Variants in IMMP2L observed in about 807,000 individuals in gnomAD.
IMMP2L encodes the protein mitochondrial inner membrane protease subunit 2.
Under a neutral mutation model 19.3 loss-of-function variants are expected in IMMP2L, and 18 were observed. The observed-to-expected ratio is 0.93, with a 90% CI of 0.64 to 1.38. IMMP2L has a LOEUF of 1.38. Among genes scored for constraint, IMMP2L ranks in the 40% most tolerant of loss-of-function variants. The pLI, the probability that IMMP2L is intolerant of heterozygous loss-of-function variation, is 0.00. For synonymous variants in IMMP2L, 76 were observed against 73.0 expected, an observed-to-expected ratio of 1.04 and a Z score of -0.21; for missense variants, 233 against 218.2, an observed-to-expected ratio of 1.07 and a Z score of -0.43.
At chr7:111,039,753 C>T (rs569433430) in intron 3 of IMMP2L, among the ~76,000 whole-genome samples, 2 of 152,308 alleles carry the variant, frequency 1.3e-5, no homozygotes, top group African/African-American at 4.8e-5. Context: ...CTCTATTCCT[C>T]CCTTAATCGT....
At chr7:110,826,497 C>CA (rs1803503411) in intron 5 of IMMP2L, among the ~76,000 whole-genome samples, 1 of 152,136 alleles carries the variant, frequency 6.6e-6, no homozygotes. Flanking sequence ...CCATGGAATA[C>CA]TATGCAGCCA....
In IMMP2L at chr7:111,402,568, A is replaced by G. The variant is rs897328912; in HGVS notation, c.239+84670T>C. Among the ~76,000 whole-genome samples the G allele has an allele frequency of 2.0e-5, 3 of 151,960 alleles. No homozygotes were observed. The South Asian group carries it at 6.2e-4, about 32-fold the overall frequency. ...TCTAATAAAAATACGAAAATTAGCC[A>G]GGCGCAGTAGCATGCACCAGAAGTC... On this transcript the variant is annotated intron_variant, in intron 3 of 5. Transcript: ENST00000405709.
chr7:111,263,321 C>T (rs1206226270), intron 3 of IMMP2L, among the ~76,000 whole-genome samples: 3 of 152,048 alleles, frequency 2.0e-5, no homozygotes, highest in African/African-American at 4.8e-5. Flanking sequence ...GAAGAAAGAA[C>T]CAAAAGGATT....
At chr7:111,120,372 C>A (rs890881107) in intron 3 of IMMP2L, among the ~76,000 whole-genome samples, 4 of 152,054 alleles carry the variant, frequency 2.6e-5, no homozygotes, top group African/African-American at 7.2e-5. Context: ...GAGAATGAGA[C>A]TCAAGCAAAA....
At chr7:111,102,781 C>G (rs1798115868) in intron 3 of IMMP2L, among the ~76,000 whole-genome samples, 1 of 151,486 alleles carries the variant, frequency 6.6e-6, no homozygotes, top group Admixed American at 6.6e-5. Flanking sequence ...ATTTAAAAAG[C>G]TCCGAAACCA....
intron 3 of IMMP2L, among the ~76,000 whole-genome samples, chr7:111,203,016 T>C (rs567557183): frequency 2.6e-5 from 4 of 152,282 alleles, no homozygotes; most frequent in African/African-American, 4.8e-5. Context: ...CCTCTGTAAA[T>C]AGGCCATTGG....
At chr7:111,527,374 G>A (rs1846970987) in intron 1 of IMMP2L, among the ~76,000 whole-genome samples, 1 of 135,500 alleles carries the variant, frequency 7.4e-6, no homozygotes, top group Non-Finnish European at 1.6e-5. Flanking sequence ...CTATGACTGT[G>A]CCACCACACT....
At chr7:111,189,991 A>G (rs1051787519) in intron 3 of IMMP2L, among the ~76,000 whole-genome samples, 1 of 152,184 alleles carries the variant, frequency 6.6e-6, no homozygotes, top group Non-Finnish European at 1.5e-5. Flanking sequence ...ATACAGGTTG[A>G]TATGATAATT....
chr7:111,184,630 A>C (rs1449279370), intron 3 of IMMP2L, among the ~76,000 whole-genome samples: 1 of 152,022 alleles, frequency 6.6e-6, no homozygotes, highest in Non-Finnish European at 1.5e-5. Flanking sequence ...TTGGTCAAAA[A>C]ACACTGTGGA....
chr7:111,183,501 G>A (rs769247432), intron 3 of IMMP2L, among the ~76,000 whole-genome samples: 11 of 151,968 alleles, frequency 7.2e-5, no homozygotes, highest in Non-Finnish European at 1.5e-4. Flanking sequence ...ATTTTACTGG[G>A]AGCCACTTGT....
At chr7:111,312,647 T>A (rs1823642659) in intron 3 of IMMP2L, among the ~76,000 whole-genome samples, 1 of 152,124 alleles carries the variant, frequency 6.6e-6, no homozygotes, top group African/African-American at 2.4e-5. Context: ...TTCCATTTGA[T>A]TTCCCAAAAC....
At chr7:111,130,640 G>C (rs187994180) in intron 3 of IMMP2L, among the ~76,000 whole-genome samples, 76 of 152,152 alleles carry the variant, frequency 5.0e-4, no homozygotes, top group African/African-American at 1.8e-3. Flanking sequence ...AGAGAATCAG[G>C]CTGTAATAAA....
At position 111,016,331 on chromosome 7, in the gene IMMP2L, T is replaced by TTA. The variant is rs535894859; in HGVS notation, c.240-52768_240-52767dup. On this transcript the variant is annotated intron_variant, in intron 3 of 5. Coordinates refer to ENST00000405709, the MANE Select transcript of IMMP2L (RefSeq NM_032549.4). Reference sequence around the variant, plus strand: ...TCAAACTTGAAAAAAAGTCCAGTAATTATATATATAATAATTTATATATAA... The same window carrying TTA: ...TCAAACTTGAAAAAAAGTCCAGTAATTATATATATATAATAATTTATATATAA... Among the ~76,000 whole-genome samples, 243 of 145,002 alleles carry TTA rather than the reference T, an allele frequency of 1.7e-3. 1 individual carries two copies. The highest frequency in any genetic ancestry group is 5.1e-3 in the African/African-American group (201 of 39,732).
chr7:111,183,069 T>C (rs147002302), intron 3 of IMMP2L, among the ~76,000 whole-genome samples: 6 of 152,206 alleles, frequency 3.9e-5, no homozygotes, highest in African/African-American at 9.6e-5. Context: ...TATTTACAAA[T>C]GTATCTTAAA....
intron 3 of IMMP2L, among the ~76,000 whole-genome samples, chr7:111,040,983 C>T (rs1409747375): frequency 2.0e-5 from 3 of 151,942 alleles, no homozygotes; most frequent in East Asian, 1.9e-4. Context: ...AGGAAAAATA[C>T]TCAACTTTAG....
chr7:111,485,357 T>C (rs182015028), intron 3 of IMMP2L, among the ~76,000 whole-genome samples: 130 of 151,950 alleles, frequency 8.6e-4, no homozygotes, highest in Middle Eastern at 3.4e-3. Context: ...CCCAGCACTT[T>C]GGGAGGCCGA....
In IMMP2L at chr7:111,242,274, T is replaced by C. The variant is rs545551449; in HGVS notation, c.239+244964A>G. On this transcript the variant is annotated intron_variant, in intron 3 of 5. Transcript: ENST00000405709. ...TCCCTTTTAGACGCCGATTTTAATG[T>C]AAAGCAGAAGTATATCAGCTAGGAG... Among the ~76,000 whole-genome samples the C allele has an allele frequency of 3.3e-5, 5 of 152,252 alleles. No homozygotes were observed. The South Asian group carries it at 1.0e-3, about 32-fold the overall frequency.
intron 3 of IMMP2L, among the ~76,000 whole-genome samples, chr7:110,967,665 A>G (rs1295017850): frequency 6.6e-6 from 1 of 152,170 alleles, no homozygotes; most frequent in East Asian, 1.9e-4. Flanking sequence ...CTAATGCTTT[A>G]TTATTGAGGT....
At chr7:111,263,139 T>G (rs1448138800) in intron 3 of IMMP2L, among the ~76,000 whole-genome samples, 1 of 152,024 alleles carries the variant, frequency 6.6e-6, no homozygotes, top group Admixed American at 6.6e-5. Flanking sequence ...ATTGAAGGGT[T>G]TGGAGTAGAT....
Sources: allele counts gnomAD v4.1 joint callset (sites outside exome capture counted in the v4.1 genomes callset), GRCh38; gene constraint gnomAD v4.1.1; transcripts MANE v1.5; gene names NCBI Gene and HGNC (gene_info 2026-07-23, HGNC 2026-07-21).